Variants in RSRC1 observed in about 807,000 individuals in gnomAD.
RSRC1 encodes the protein serine/Arginine-related protein 53.
RSRC1 carries 39 observed loss-of-function variants against 49.1 expected under a neutral mutation model. The observed-to-expected ratio is 0.79, with a 90% confidence interval of 0.61 to 1.04. RSRC1 has a LOEUF of 1.04. RSRC1 is among the 50% of genes least tolerant of loss of function. The probability of loss-of-function intolerance (pLI) is 0.00; values close to 1 mark genes in which losing one functional copy is unlikely to be tolerated. For synonymous variants in RSRC1, 143 were observed against 130.8 expected, an observed-to-expected ratio of 1.09 and a Z score of -0.63; for missense variants, 388 against 402.4, an observed-to-expected ratio of 0.96 and a Z score of 0.31.
chr3:158,124,687 G>T (rs1715501743), intron 3 of RSRC1, among the ~76,000 whole-genome samples: 1 of 151,920 alleles, frequency 6.6e-6, no homozygotes, highest in South Asian at 2.1e-4. Context: ...CTTTTTCTAG[G>T]TTATCCAGTT....
At chr3:158,472,424 CAAA>C (rs796230573) in intron 7 of RSRC1, among the ~76,000 whole-genome samples, 29 of 152,066 alleles carry the variant, frequency 1.9e-4, no homozygotes, top group African/African-American at 7.0e-4. Context: ...CATATGTATA[CAAA>C]CCTGAAAAAA....
At chr3:158,542,783 T>C (rs981399178) in intron 8 of RSRC1, among the ~76,000 whole-genome samples, 3 of 152,182 alleles carry the variant, frequency 2.0e-5, no homozygotes, top group Non-Finnish European at 2.9e-5. Context: ...TGAAAAGCCA[T>C]TGAATTATGT....
chr3:158,229,563 T>G (rs973797147), intron 4 of RSRC1, among the ~76,000 whole-genome samples: 3 of 150,796 alleles, frequency 2.0e-5, no homozygotes, highest in Non-Finnish European at 4.4e-5. Context: ...TTTAGAGCTG[T>G]CAAATTTTAA....
chr3:158,355,889 T>G (rs1225262436), intron 6 of RSRC1, among the ~76,000 whole-genome samples: 2 of 151,850 alleles, frequency 1.3e-5, no homozygotes, highest in Non-Finnish European at 2.9e-5. Flanking sequence ...TATATCTAAT[T>G]TATATCTGTA....
intron 3 of RSRC1, among the ~76,000 whole-genome samples, chr3:158,170,748 C>A (rs1211948689): frequency 6.6e-6 from 1 of 152,132 alleles, no homozygotes; most frequent in Non-Finnish European, 1.5e-5. Flanking sequence ...AAAGGAGATC[C>A]TGTAAGCCAG....
chr3:158,541,825 T>C (rs1713048648), intron 8 of RSRC1, among the ~76,000 whole-genome samples: 1 of 152,164 alleles, frequency 6.6e-6, no homozygotes, highest in Non-Finnish European at 1.5e-5. Context: ...TGCTAATCAG[T>C]CACTCCTTGG....
At chr3:158,290,522 A>G (rs374326881) in intron 4 of RSRC1, among the ~76,000 whole-genome samples, 16 of 152,028 alleles carry the variant, frequency 1.1e-4, no homozygotes, top group South Asian at 8.3e-4. Context: ...TGATCCGCCC[A>G]CCTTGGCCTC....
intron 4 of RSRC1, among the ~76,000 whole-genome samples, chr3:158,249,700 A>G (rs1724099916): frequency 6.6e-6 from 1 of 151,842 alleles, no homozygotes; most frequent in Non-Finnish European, 1.5e-5. Flanking sequence ...TTTTTGGGGC[A>G]CGTAGTAGGT....
In RSRC1 at chr3:158,329,962, G is replaced by A. The variant is rs146421686; in HGVS notation, c.532-24895G>A. On this transcript the variant is annotated intron_variant, in intron 5 of 9. Coordinates refer to ENST00000611884, the MANE Select transcript of RSRC1 (RefSeq NM_001271838.2). ...GCACCCCTCCACCAGCCTCGCTGCC[G>A]CCTTGCAGTTCGATCTCAGAGTGTT... Among the ~76,000 whole-genome samples, 1,167 of 152,318 alleles carry A rather than the reference G, an allele frequency of 7.7e-3. 7 individuals are homozygous for A. Among genetic ancestry groups the A allele is most frequent in the African/African-American group, 0.026 (1,093 of 41,576 alleles).
chr3:158,166,366 T>C (rs1479618612), intron 3 of RSRC1, among the ~76,000 whole-genome samples: 1 of 152,160 alleles, frequency 6.6e-6, no homozygotes, highest in East Asian at 1.9e-4. Flanking sequence ...TCAATGAGCT[T>C]GTTGTCTTGT....
At chr3:158,382,592 C>T (rs1732759189) in intron 6 of RSRC1, among the ~76,000 whole-genome samples, 2 of 152,226 alleles carry the variant, frequency 1.3e-5, no homozygotes, top group African/African-American at 2.4e-5. Context: ...CTACCCCCTA[C>T]CCCCAGTCTA....
At chr3:158,189,263 A>T (rs1720091137) in intron 3 of RSRC1, among the ~76,000 whole-genome samples, 1 of 151,936 alleles carries the variant, frequency 6.6e-6, no homozygotes, top group Non-Finnish European at 1.5e-5. Context: ...AAAATATTAT[A>T]GGTACATTTG....
In RSRC1 at chr3:158,354,949, C is replaced by T. The variant is rs751541023; in HGVS notation, c.583+41C>T. On this transcript the variant is annotated intron_variant, in intron 6 of 9. Transcript: ENST00000611884. ...TAACTTTTATTAAATGAAGAAGTGA[C>T]GAGTAAACCCTAGGCTGGTAGCATG... The T allele has an allele frequency of 6.7e-6, 9 of 1,344,464 alleles. No individual in the cohort carries two copies. In the South Asian group the frequency reaches 8.8e-5, roughly 13 times the overall value. The allele number at this position is 1,344,464 out of a possible 1,614,324, so 83.3% of individuals were successfully genotyped here.
At chr3:158,121,910 G>T (rs1159980446) in intron 1 of RSRC1, among the ~76,000 whole-genome samples, 193 bp from the exon 2 acceptor site, 3 of 152,080 alleles carry the variant, frequency 2.0e-5, no homozygotes, top group Non-Finnish European at 4.4e-5. Context: ...GAAGGCTTGG[G>T]GGAAGGATCG....
At chr3:158,190,557 G>T (rs1321723004) in intron 3 of RSRC1, among the ~76,000 whole-genome samples, 11 of 147,400 alleles carry the variant, frequency 7.5e-5, no homozygotes, top group Middle Eastern at 3.5e-3. Context: ...AAATAAATTG[G>T]TTTTTTTTCC....
At chr3:158,525,716 A>G (rs1181485740) in intron 7 of RSRC1, among the ~76,000 whole-genome samples, 4 of 152,032 alleles carry the variant, frequency 2.6e-5, no homozygotes, top group African/African-American at 9.7e-5. Flanking sequence ...ATAGAATTCT[A>G]CTAGCATTAC....
At chr3:158,279,771 C>T (rs1444468503) in intron 4 of RSRC1, among the ~76,000 whole-genome samples, 1 of 152,162 alleles carries the variant, frequency 6.6e-6, no homozygotes, top group Non-Finnish European at 1.5e-5. Flanking sequence ...TAGGACTTCC[C>T]CCATGCCACT....
At chr3:158,436,736 T>C (rs1736062853) in intron 6 of RSRC1, among the ~76,000 whole-genome samples, 1 of 151,882 alleles carries the variant, frequency 6.6e-6, no homozygotes, top group Non-Finnish European at 1.5e-5. Flanking sequence ...TATAAAGGTA[T>C]ATAGATAATA....
intron 7 of RSRC1, among the ~76,000 whole-genome samples, chr3:158,468,961 G>A (rs1050651897): frequency 5.3e-5 from 8 of 151,992 alleles, no homozygotes; most frequent in South Asian, 2.1e-4. Context: ...GAATATAGTC[G>A]CAATCATTAT....
Sources: gnomAD v4.1 joint callset for allele counts (sites outside exome capture counted in the v4.1 genomes callset) on GRCh38, gnomAD v4.1.1 for gene constraint, MANE v1.5 for transcripts, NCBI Gene and HGNC (gene_info 2026-07-23, HGNC 2026-07-21) for gene names.